Variants in TNFRSF14 observed in about 807,000 individuals in gnomAD.
TNFRSF14 encodes the protein tumor necrosis factor receptor superfamily member 14.
Under a neutral mutation model 34.1 loss-of-function variants are expected in TNFRSF14, and 18 were observed. The ratio of observed to expected loss-of-function variants is 0.53; its 90% CI spans 0.36 to 0.78. The LOEUF is 0.78. Ranked by LOEUF, TNFRSF14 falls within the 30% of genes least tolerant of loss-of-function variation. The pLI, the probability that TNFRSF14 is intolerant of heterozygous loss-of-function variation, is 0.00. For synonymous variants in TNFRSF14, 157 were observed against 153.2 expected (o/e 1.02, Z -0.18); for missense variants, 352 against 379.5 (o/e 0.93, Z 0.60).
intron 4 of TNFRSF14, among the ~76,000 whole-genome samples, chr1:2,560,369 G>A (rs1055019291): frequency 2.0e-5 from 3 of 152,106 alleles, no homozygotes; most frequent in Non-Finnish European, 2.9e-5. Flanking sequence ...GGCAGCCCCC[G>A]CAGCACTGCA....
chr1:2,558,755 G>T (rs1305020536), intron 3 of TNFRSF14: 3 of 1,234,478 alleles, frequency 2.4e-6, no homozygotes, highest in Non-Finnish European at 3.2e-6. Flanking sequence ...GCCCGGGGTG[G>T]GTGCCCAGAC....
Position 2,559,984 on chromosome 1 carries a change from C to T in TNFRSF14, c.460+6C>T, listed in dbSNP as rs369586777. Reference sequence around the variant, plus strand: ...CCAGAGGGTGCAGAAGGGAGGTAAGCGGTGGGTGGCGGACACCCCTCCCAT... The same window carrying T: ...CCAGAGGGTGCAGAAGGGAGGTAAGTGGTGGGTGGCGGACACCCCTCCCAT... On this transcript the variant is annotated splice_donor_region_variant and intron_variant, in intron 4 of 7. Transcript: ENST00000355716. 2.1e-5 allele frequency: 33 copies of T among 1,536,716 alleles called. No individual in the cohort carries two copies. Among genetic ancestry groups the T allele is most frequent in the Middle Eastern group, 1.7e-4 (1 of 5,880 alleles).
At chr1:2,560,034 G>A (rs1557479403) in intron 4 of TNFRSF14, 56 bp downstream of exon 4, 35 of 1,466,152 alleles carry the variant, frequency 2.4e-5, no homozygotes, top group Non-Finnish European at 3.0e-5. Context: ...CCAGTGCCCC[G>A]CTGTCTGGAG....
intron 4 of TNFRSF14, 38 bp downstream of exon 4, chr1:2,560,016 C>T (rs1456233303): frequency 6.7e-7 from 1 of 1,493,254 alleles, no homozygotes; most frequent in Non-Finnish European, 8.9e-7. Flanking sequence ...CCATTTCCAC[C>T]CTGGTCCCCA....
chr1:2,559,847 A>C lies in TNFRSF14; in HGVS notation c.329A>C (p.Asn110Thr), dbSNP rs1158544620. Residue 110 changes from asparagine to threonine, a missense_variant, in exon 4 of 8, where the codon AAC (asparagine) becomes ACC (threonine). Physicochemically the swap from Asn to Thr is moderately conservative, Grantham distance 65. Transcript: ENST00000355716. ...GCCATGGGCCTGCGCGCGAGCCGGA[A>C]CTGCTCCAGGACAGAGAACGCCGTG... ...DPAMGLRASRNCSRTENAVCG... is the reference protein window; with the variant it reads ...DPAMGLRASRTCSRTENAVCG... The C allele has an allele frequency of 6.2e-7, 1 of 1,608,784 alleles. No individual in the cohort carries two copies. The highest frequency in any genetic ancestry group is 2.2e-5 in the East Asian group (1 of 44,734).
chr1:2,559,101 C>G, intron 3 of TNFRSF14: 1 of 1,366,890 alleles, frequency 7.3e-7, no homozygotes, highest in Non-Finnish European at 9.6e-7. Context: ...ACCTGCGGGA[C>G]AGGGCTGACG....
Position 2,559,969 on chromosome 1 carries a change from C to A in TNFRSF14, c.451C>A (p.Gln151Lys). 2 of 1,568,716 alleles carry A rather than the reference C, an allele frequency of 1.3e-6. No individual in the cohort carries two copies. Among genetic ancestry groups the A allele is most frequent in the Non-Finnish European group, 1.7e-6 (2 of 1,153,912 alleles). ...YATSSPGQRVQKGGTESQDTL... is the reference protein window; with the variant it reads ...YATSSPGQRVKKGGTESQDTL... ...CACCTCCAGCCCGGGCCAGAGGGTG[C>A]AGAAGGGAGGTAAGCGGTGGGTGGC... Residue 151 changes from glutamine to lysine, a missense_variant, in exon 4 of 8, where the codon CAG becomes AAG. By Grantham distance (53) the Gln-to-Lys change is moderately conservative. Coordinates refer to ENST00000355716, the MANE Select transcript of TNFRSF14 (RefSeq NM_003820.4).
At chr1:2,557,695 C>A in intron 1 of TNFRSF14, 31 bp from the exon 2 acceptor site, 2 of 1,517,870 alleles carry the variant, frequency 1.3e-6, no homozygotes, top group Admixed American at 1.9e-5. Flanking sequence ...GCAGCCAGGG[C>A]ATCTCCCAAT....
At chr1:2,562,726 G>T in intron 6 of TNFRSF14, 139 bp from the exon 7 acceptor site, 1 of 1,130,474 alleles carries the variant, frequency 8.8e-7, no homozygotes, top group Non-Finnish European at 1.3e-6. Flanking sequence ...TGCTCTCAGA[G>T]AGGGTCAGTC....
intron 7 of TNFRSF14, 45 bp from the exon 8 acceptor site, chr1:2,563,103 G>C (rs761447352): frequency 6.2e-7 from 1 of 1,608,092 alleles, no homozygotes; most frequent in Non-Finnish European, 8.5e-7. Flanking sequence ...TGGAGTCCCA[G>C]GGGGGCCTGA....
At position 2,556,687 on chromosome 1, in the gene TNFRSF14, G is replaced by T; in HGVS notation, c.23G>T (p.Gly8Val). The change falls in exon 1 of 8, where the codon GGG becomes GTG. Residue 8 changes from glycine (G) to valine (V), a missense_variant. Gly to Val is a moderately radical substitution (Grantham distance 109). Coordinates refer to ENST00000355716, the MANE Select transcript of TNFRSF14 (RefSeq NM_003820.4). MEPPGDWGPPPWRSTPKT... is the reference protein window; with the variant it reads MEPPGDWVPPPWRSTPKT... ...GGCATGGAGCCTCCTGGAGACTGGG[G>T]GCCTCCTCCCTGGAGATCCACCCCC... 1 of 1,609,368 alleles carries T rather than the reference G, an allele frequency of 6.2e-7. No individual in the cohort carries two copies. Among genetic ancestry groups the T allele is most frequent in the Non-Finnish European group, 8.5e-7 (1 of 1,177,758 alleles).
rs754249046 is a variant in TNFRSF14, at chr1:2,556,657, C to T, written c.-8C>T. On this transcript the variant is annotated 5_prime_UTR_variant, in exon 1 of 8. Coordinates refer to ENST00000355716, the MANE Select transcript of TNFRSF14 (RefSeq NM_003820.4). Reference sequence around the variant, plus strand: ...TGGGTTCCCGAGCTGCCGGTCTGAGCCTGAGGCATGGAGCCTCCTGGAGAC... The same window carrying T: ...TGGGTTCCCGAGCTGCCGGTCTGAGTCTGAGGCATGGAGCCTCCTGGAGAC... The T allele has an allele frequency of 6.2e-7, 1 of 1,609,522 alleles. No individual in the cohort carries two copies. The highest frequency in any genetic ancestry group is 8.5e-7 in the Non-Finnish European group (1 of 1,177,912).
chr1:2,559,075 G>A (rs529454456), intron 3 of TNFRSF14: 14 of 1,369,312 alleles, frequency 1.0e-5, no homozygotes, highest in South Asian at 7.3e-5. Context: ...TGCTCCCTGC[G>A]GCCAGGCAGG....
At chr1:2,556,823 T>C in intron 1 of TNFRSF14, 90 bp downstream of exon 1, 7 of 1,317,768 alleles carry the variant, frequency 5.3e-6, no homozygotes, top group Non-Finnish European at 6.1e-6. Flanking sequence ...GCCCCTGTCC[T>C]GGCCGTTGCT....
intron 7 of TNFRSF14, 29 bp from the exon 8 acceptor site, chr1:2,563,119 C>A: frequency 6.2e-7 from 1 of 1,611,856 alleles, no homozygotes; most frequent in South Asian, 1.1e-5. Flanking sequence ...CCTGAGCAGG[C>A]AGGGTCTCCA....
At chr1:2,558,208 C>T (rs1295079751) in intron 2 of TNFRSF14, 135 bp from the exon 3 acceptor site, 12 of 1,328,010 alleles carry the variant, frequency 9.0e-6, no homozygotes, top group Middle Eastern at 4.7e-4. Flanking sequence ...TGCTGTGTCC[C>T]GTGGGGCTCA....
At position 2,558,523 on chromosome 1, in the gene TNFRSF14, G is replaced by A. The variant is rs201733743; in HGVS notation, c.304+55G>A. On this transcript the variant is annotated intron_variant, in intron 3 of 7. Transcript: ENST00000355716. ...CCGCTTGGGCAGCCTGGATGCCCCC[G>A]CACCCTGCACCCTCTCTCCATGGCC... 614 of 1,599,724 alleles carry A rather than the reference G, an allele frequency of 3.8e-4. 2 individuals carry two copies. In the African/African-American group the frequency reaches 6.5e-3, roughly 17 times the overall value.
rs746493613 is a variant in TNFRSF14 at position 2,563,314 on chromosome 1, G to T, written c.*41G>T. The stretch of plus-strand genomic sequence containing the variant: ...CCCCGACGCCAGAGATACCTGGAGC[G>T]ACGGCTGCTGAAAGAGGCTGTCCAC... On this transcript the variant is annotated 3_prime_UTR_variant, in exon 8 of 8. Transcript: ENST00000355716. The T allele has an allele frequency of 6.2e-7, 1 of 1,604,636 alleles. No homozygotes were observed. The highest frequency in any genetic ancestry group is 1.7e-4 in the Middle Eastern group (1 of 5,814).
chr1:2,556,404 G>A lies in TNFRSF14; in HGVS notation c.-261G>A. 1 of 684,424 alleles carries A rather than the reference G, an allele frequency of 1.5e-6. No homozygotes were observed. The highest frequency in any genetic ancestry group is 2.8e-5 in the East Asian group (1 of 36,196). 42.4% of individuals were successfully genotyped at this position (684,424 alleles called of 1,614,324 possible). A position where few individuals can be genotyped will look rare whatever the true frequency, so the allele number is the denominator to read the frequency against. ...CCTTCCCCTCGGCTTTGCCTGGACA[G>A]CTCCTGCCTCCCGCAGGGCCCACCT... On this transcript the variant is annotated 5_prime_UTR_variant, in exon 1 of 8. Transcript: ENST00000355716.
Sources: gnomAD v4.1 joint callset for allele counts (sites outside exome capture counted in the v4.1 genomes callset) on GRCh38, gnomAD v4.1.1 for gene constraint, MANE v1.5 for transcripts, NCBI Gene and HGNC (gene_info 2026-07-23, HGNC 2026-07-21) for gene names.